Variants in KAZN observed in about 807,000 individuals in gnomAD.
KAZN encodes the protein kazrin, periplakin interacting protein.
Under a neutral mutation model 87.4 loss-of-function variants are expected in KAZN, and 40 were observed. The observed-to-expected ratio is 0.46, with a 90% confidence interval of 0.36 to 0.60. The LOEUF (loss-of-function observed/expected upper bound fraction) is 0.60, where lower values mean the gene tolerates loss of function less well. Among genes scored for constraint, KAZN ranks in the 20% least tolerant of loss-of-function variants. KAZN has a pLI of 0.00. For missense variants in KAZN, 898 were observed against 1,073.9 expected, an observed-to-expected ratio of 0.84 and a Z score of 2.29; for synonymous variants, 466 against 458.3, an observed-to-expected ratio of 1.02 and a Z score of -0.22.
In KAZN at chr1:14,930,658, G is replaced by A. The variant is rs1054493259; in HGVS notation, c.227-30026G>A. On this transcript the variant is annotated intron_variant, in intron 1 of 14. Transcript: ENST00000376030. ...ACTGAAGCTTGGGAGAGGTTACACC[G>A]GCTGTGGAAAGTAGCTGTTCCAGGC... Among the ~76,000 whole-genome samples the A allele has an allele frequency of 1.6e-4, 25 of 152,314 alleles. No individual in the cohort carries two copies. The East Asian group carries it at 2.9e-3, about 18-fold the overall frequency.
intron 2 of KAZN, among the ~76,000 whole-genome samples, chr1:14,278,161 ACT>A (rs1652539474): frequency 7.6e-6 from 1 of 131,982 alleles, no homozygotes; most frequent in African/African-American, 3.3e-5. Flanking sequence ...CAAGAGTGAA[ACT>A]CTGTCTCAAA....
At chr1:14,383,240 G>A (rs1382587510) in intron 2 of KAZN, among the ~76,000 whole-genome samples, 3 of 150,594 alleles carry the variant, frequency 2.0e-5, no homozygotes, top group African/African-American at 7.3e-5. Context: ...AGTAGGTTGT[G>A]AAAATTTTCT....
At chr1:15,015,440 C>G (rs1229435446) in intron 2 of KAZN, among the ~76,000 whole-genome samples, 2 of 152,140 alleles carry the variant, frequency 1.3e-5, no homozygotes, top group East Asian at 1.9e-4. Context: ...CGTGAGCCAC[C>G]GGGCCCGGCC....
chr1:14,380,626 A>G (rs984440317), intron 2 of KAZN, among the ~76,000 whole-genome samples: 8 of 152,218 alleles, frequency 5.3e-5, no homozygotes, highest in African/African-American at 1.9e-4. Context: ...AGCAGCAGAA[A>G]TAAGTAATGA....
intron 2 of KAZN, among the ~76,000 whole-genome samples, chr1:14,350,715 T>G (rs187000426): frequency 5.9e-5 from 9 of 152,172 alleles, no homozygotes; most frequent in African/African-American, 2.2e-4. Flanking sequence ...TTACCAAGGG[T>G]CTACTTCACA....
At chr1:15,092,048 TTTTGTTTTTTTG>T (rs1640557721) in intron 8 of KAZN, among the ~76,000 whole-genome samples, 1 of 130,988 alleles carries the variant, frequency 7.6e-6, no homozygotes, top group Non-Finnish European at 1.5e-5. Context: ...TAATCAGAGG[TTTTGTTTTTTTG>T]TTTTTTTTTT....
intron 2 of KAZN, among the ~76,000 whole-genome samples, chr1:14,576,064 C>T (rs1288796230): frequency 6.6e-6 from 1 of 152,150 alleles, no homozygotes; most frequent in African/African-American, 2.4e-5. Context: ...GGAAAAAGAG[C>T]CCATAACTTG....
intron 2 of KAZN, among the ~76,000 whole-genome samples, chr1:14,422,164 T>A (rs1238346012): frequency 6.6e-6 from 1 of 152,230 alleles, no homozygotes; most frequent in Non-Finnish European, 1.5e-5. Context: ...TTTGTTATTT[T>A]AAACTTAAAT....
chr1:15,101,881 C>A, intron 11 of KAZN, 107 bp downstream of exon 11: 1 of 707,720 alleles, frequency 1.4e-6, no homozygotes, highest in Non-Finnish European at 2.5e-6. Flanking sequence ...ATCCATCTGT[C>A]CACCCATCCA....
At chr1:14,062,720 G>A (rs79853880) in intron 1 of KAZN, among the ~76,000 whole-genome samples, 9 of 151,996 alleles carry the variant, frequency 5.9e-5, no homozygotes, top group Admixed American at 1.3e-4. Flanking sequence ...TCAAATGACC[G>A]TCCAAATCAA....
In KAZN at chr1:14,600,490, G is replaced by A. The variant is rs184075893; in HGVS notation, c.226+1267G>A. Reference sequence around the variant, plus strand: ...AGTCAGATCTTAACTTGGTACTCCCGGAGCCTGTTGGAAGTCTTAGGAATT... The same window carrying A: ...AGTCAGATCTTAACTTGGTACTCCCAGAGCCTGTTGGAAGTCTTAGGAATT... On this transcript the variant is annotated intron_variant, in intron 1 of 14. Transcript: ENST00000376030. 1.7e-3 allele frequency among the ~76,000 whole-genome samples: 266 copies of A among 152,182 alleles called. 3 individuals carry two copies. Among genetic ancestry groups the A allele is most frequent in the Non-Finnish European group, 2.6e-3 (177 of 68,016 alleles).
intron 2 of KAZN, among the ~76,000 whole-genome samples, chr1:14,976,382 G>C (rs569825266): frequency 6.6e-6 from 1 of 152,290 alleles, no homozygotes; most frequent in East Asian, 1.9e-4. Context: ...AAGAAGGACC[G>C]CAGGACTTAG....
intron 2 of KAZN, among the ~76,000 whole-genome samples, chr1:14,433,044 C>T (rs775229391): frequency 5.3e-4 from 80 of 152,074 alleles, no homozygotes; most frequent in Non-Finnish European, 7.6e-4. Flanking sequence ...TTCAGTCTCT[C>T]TGGATCTCAT....
chr1:14,464,277 G>C (rs553093168), intron 2 of KAZN, among the ~76,000 whole-genome samples: 1 of 152,336 alleles, frequency 6.6e-6, no homozygotes, highest in Admixed American at 6.5e-5. Context: ...TTGCAAAGTA[G>C]TGTTATAATT....
At chr1:14,189,706 A>G (rs527800700) in intron 2 of KAZN, among the ~76,000 whole-genome samples, 52 of 152,178 alleles carry the variant, frequency 3.4e-4, no homozygotes, top group Non-Finnish European at 6.9e-4. Context: ...CTCTGTTTGT[A>G]TCAAGTTTGC....
In KAZN at chr1:15,110,303, GTGTGTATT is replaced by G. The variant is rs1321140396; in HGVS notation, c.2049-2110_2049-2103del. Among the ~76,000 whole-genome samples, 171 of 151,592 alleles carry G rather than the reference GTGTGTATT, an allele frequency of 1.1e-3. 3 individuals are homozygous for G. In the South Asian group the frequency reaches 0.034, roughly 30 times the overall value. The stretch of plus-strand genomic sequence containing the variant: ...TATGTTTGTGTGTGTGTATATGTAT[GTGTGTATT>G]TGTGTATTTGTGTGTGGGCATATTG... On this transcript the variant is annotated intron_variant, in intron 13 of 14. Coordinates refer to ENST00000376030, the MANE Select transcript of KAZN (RefSeq NM_201628.3).
chr1:13,948,329 A>G (rs575677239), intron 1 of KAZN, among the ~76,000 whole-genome samples: 2 of 152,222 alleles, frequency 1.3e-5, no homozygotes, highest in South Asian at 2.1e-4. Flanking sequence ...GGTTTTCCCT[A>G]TGCTGTTCCC....
intron 2 of KAZN, among the ~76,000 whole-genome samples, chr1:14,428,328 C>T (rs1665857385): frequency 6.6e-6 from 1 of 151,986 alleles, no homozygotes; most frequent in African/African-American, 2.4e-5. Flanking sequence ...TAGGATATAC[C>T]CTCCCCATTC....
At position 15,056,398 on chromosome 1, in the gene KAZN, C is replaced by A; in HGVS notation, c.916+118C>A. On this transcript the variant is annotated intron_variant, in intron 5 of 14. Transcript: ENST00000376030. This position sits in a 1 kb window ranked among gnomAD's most constrained non-coding sequence, Gnocchi z 5.4. ...ACTACAGCAGCTTGGGGGCGTGGGA[C>A]AGAGACCTTGGGCTCATGTAACTGA... The A allele has an allele frequency of 9.5e-7, 1 of 1,052,032 alleles. No individual in the cohort carries two copies. The highest frequency in any genetic ancestry group is 1.3e-6 in the Non-Finnish European group (1 of 745,052). 65.2% of individuals were successfully genotyped at this position (1,052,032 alleles called of 1,614,324 possible).
Sources: gnomAD v4.1 joint callset for allele counts (sites outside exome capture counted in the v4.1 genomes callset) on GRCh38, gnomAD v4.1.1 for gene constraint, Gnocchi (gnomAD v3.1) non-coding constraint, MANE v1.5 for transcripts, NCBI Gene and HGNC (gene_info 2026-07-23, HGNC 2026-07-21) for gene names.